WDPCP: variants seen among roughly 807,000 people sequenced by gnomAD.
WDPCP encodes the protein WD repeat-containing and planar cell polarity effector protein fritz homolog.
Under a neutral mutation model 93.1 loss-of-function variants are expected in WDPCP, and 71 were observed. That is an observed-to-expected ratio of 0.76 (90% CI 0.63 to 0.93). The LOEUF is 0.93. WDPCP is among the 40% of genes least tolerant of loss of function. The pLI is 0.00. For missense variants in WDPCP, 844 were observed against 887.4 expected (o/e 0.95, Z 0.62); for synonymous variants, 315 against 315.0 (o/e 1.00, Z 0.00).
chr2:63,575,109 C>T (rs1168837896), intron 1 of WDPCP, among the ~76,000 whole-genome samples: 2 of 151,636 alleles, frequency 1.3e-5, no homozygotes, highest in Non-Finnish European at 2.9e-5. Flanking sequence ...TTCTGTAATG[C>T]AACCTTGAAA....
At chr2:63,123,785 C>CA (rs1462100495) in intron 17 of WDPCP, among the ~76,000 whole-genome samples, 5 of 151,716 alleles carry the variant, frequency 3.3e-5, no homozygotes, top group Non-Finnish European at 7.4e-5. Context: ...ACTAGTTATA[C>CA]AAAACTAAAG....
rs1233342217 is a variant in WDPCP at position 63,278,652 on chromosome 2, C to A, written c.1813-19243G>T. 2.0e-5 allele frequency among the ~76,000 whole-genome samples: 3 copies of A among 152,070 alleles called. No individual in the cohort carries two copies. In the East Asian group the frequency reaches 5.8e-4, roughly 29 times the overall value. ...ACCATCCTGGCAAACACAGTGAAAC[C>A]CTGTCTCTACTAAAAATACAAAAAA... On this transcript the variant is annotated intron_variant, in intron 13 of 17. Coordinates refer to ENST00000272321, the MANE Select transcript of WDPCP (RefSeq NM_015910.7).
At chr2:63,617,157 C>T (rs1242199329) in intron 3 of WDPCP, among the ~76,000 whole-genome samples, 1 of 152,168 alleles carries the variant, frequency 6.6e-6, no homozygotes, top group African/African-American at 2.4e-5. Context: ...TGGCCATGCT[C>T]TTGCAGCCAT....
intron 3 of WDPCP, among the ~76,000 whole-genome samples, chr2:63,640,303 C>T (rs1199407560): frequency 6.6e-6 from 1 of 152,152 alleles, no homozygotes; most frequent in Non-Finnish European, 1.5e-5. Context: ...CCACCATGCC[C>T]GGCCAGATGT....
intron 1 of WDPCP, among the ~76,000 whole-genome samples, chr2:63,562,682 G>A (rs1706717064): frequency 6.6e-6 from 1 of 152,122 alleles, no homozygotes; most frequent in African/African-American, 2.4e-5. Flanking sequence ...GTATTATACT[G>A]TAAGGTAGAG....
chr2:63,559,284 A>G (rs1422010943), intron 1 of WDPCP, among the ~76,000 whole-genome samples: 1 of 152,196 alleles, frequency 6.6e-6, no homozygotes, highest in Non-Finnish European at 1.5e-5. Context: ...TCTCAAAATA[A>G]TAGCGATTTA....
intron 9 of WDPCP, among the ~76,000 whole-genome samples, chr2:63,422,146 CCA>C (rs1695913081): frequency 6.6e-6 from 1 of 152,132 alleles, no homozygotes; most frequent in Admixed American, 6.5e-5. Flanking sequence ...AAAAAGGAAA[CCA>C]CAGTGTCTTG....
chr2:63,398,748 C>G (rs1693935870), intron 10 of WDPCP, among the ~76,000 whole-genome samples: 1 of 148,162 alleles, frequency 6.7e-6, no homozygotes, highest in Non-Finnish European at 1.5e-5. Context: ...TTTCCAAAGG[C>G]TTGCATAACA....
At chr2:63,729,300 C>A (rs1274727916) in intron 2 of WDPCP, among the ~76,000 whole-genome samples, 6 of 151,868 alleles carry the variant, frequency 4.0e-5, no homozygotes, top group African/African-American at 4.8e-5. Context: ...AATTTTTTAA[C>A]CTAAAACCAT....
chr2:63,226,509 C>T (rs1021234359), intron 14 of WDPCP, among the ~76,000 whole-genome samples: 9 of 151,754 alleles, frequency 5.9e-5, no homozygotes, highest in Non-Finnish European at 1.3e-4. Flanking sequence ...ATTAAGTTAC[C>T]TTACATCGAA....
chr2:63,525,499 T>C (rs758331799), intron 1 of WDPCP, among the ~76,000 whole-genome samples: 10 of 152,246 alleles, frequency 6.6e-5, no homozygotes, highest in South Asian at 2.1e-4. Flanking sequence ...TCTGGAATCA[T>C]TGATTAAAAT....
intron 2 of WDPCP, among the ~76,000 whole-genome samples, chr2:63,725,236 G>T (rs1669480635): frequency 6.6e-6 from 1 of 152,042 alleles, no homozygotes; most frequent in Non-Finnish European, 1.5e-5. Flanking sequence ...CATGTCTATT[G>T]TTCCCTTAGT....
chr2:63,570,073 G>T (rs1476048057), intron 1 of WDPCP, among the ~76,000 whole-genome samples: 1 of 152,166 alleles, frequency 6.6e-6, no homozygotes, highest in Non-Finnish European at 1.5e-5. Flanking sequence ...ATAACTGGGT[G>T]CTGAGACTAA....
chr2:63,638,841 C>A (rs1356877199), intron 3 of WDPCP, among the ~76,000 whole-genome samples: 3 of 150,526 alleles, frequency 2.0e-5, no homozygotes, highest in African/African-American at 7.3e-5. Flanking sequence ...GAACTGTTTC[C>A]TTGAAAACAT....
At chr2:63,480,815 C>T (rs1164697941) in intron 6 of WDPCP, among the ~76,000 whole-genome samples, 2 of 152,162 alleles carry the variant, frequency 1.3e-5, no homozygotes, top group African/African-American at 4.8e-5. Flanking sequence ...CCCCTCTAGA[C>T]ATTGGCTTAG....
At chr2:63,576,503 G>A (rs1261326373) in intron 1 of WDPCP, among the ~76,000 whole-genome samples, 1 of 152,212 alleles carries the variant, frequency 6.6e-6, no homozygotes, top group African/African-American at 2.4e-5. Flanking sequence ...TCCTCTTTGG[G>A]CATGCCACTC....
chr2:63,346,813 CCT>C (rs1444730700), intron 12 of WDPCP, among the ~76,000 whole-genome samples: 1 of 152,158 alleles, frequency 6.6e-6, no homozygotes, highest in Non-Finnish European at 1.5e-5. Context: ...ACTTGCATTC[CCT>C]CTCTTTGCTC....
chr2:63,140,731 C>T (rs1671002115), intron 17 of WDPCP, among the ~76,000 whole-genome samples: 1 of 152,078 alleles, frequency 6.6e-6, no homozygotes, highest in Admixed American at 6.6e-5. Flanking sequence ...TTAGGGTTTT[C>T]AAGGTAAACG....
intron 10 of WDPCP, among the ~76,000 whole-genome samples, chr2:63,401,722 T>C (rs995025814): frequency 7.9e-5 from 12 of 152,132 alleles, no homozygotes; most frequent in African/African-American, 2.7e-4. Flanking sequence ...GGAGAATTGC[T>C]TGAACCCAGG....
Sources: gnomAD v4.1 joint callset for allele counts (sites outside exome capture counted in the v4.1 genomes callset) on GRCh38, gnomAD v4.1.1 for gene constraint, MANE v1.5 for transcripts, NCBI Gene and HGNC (gene_info 2026-07-23, HGNC 2026-07-21) for gene names.